The following LAMC2 variants were observed in gnomAD, a reference collection of about 807,000 sequenced individuals.
LAMC2 encodes laminin subunit gamma 2, also known as laminin subunit gamma-2.
A neutral mutation model predicts 140.2 loss-of-function variants in LAMC2; 97 were observed. The ratio of observed to expected loss-of-function variants is 0.69; its 90% CI spans 0.59 to 0.82. The LOEUF is 0.82. Ranked by LOEUF, LAMC2 falls within the 40% of genes least tolerant of loss-of-function variation. The probability of loss-of-function intolerance (pLI) is 0.00; values close to 1 mark genes in which losing one functional copy is unlikely to be tolerated. For synonymous variants in LAMC2, 513 were observed against 540.2 expected, an observed-to-expected ratio of 0.95 and a Z score of 0.70; for missense variants, 1,402 against 1,476.1, an observed-to-expected ratio of 0.95 and a Z score of 0.82.
intron 7 of LAMC2, 47 bp downstream of exon 7, chr1:183,223,371 G>C (rs1399273741): frequency 6.4e-7 from 1 of 1,550,946 alleles, no homozygotes; most frequent in Non-Finnish European, 8.9e-7. Flanking sequence ...AACTATGATT[G>C]AAGTTCAAGT....
intron 8 of LAMC2, 37 bp from the exon 9 acceptor site, chr1:183,226,661 A>G (rs1415038343): frequency 6.5e-7 from 1 of 1,543,096 alleles, no homozygotes. Context: ...TTTAGACTGT[A>G]CCACTTGCAA....
At chr1:183,226,626 C>T in intron 8 of LAMC2, 72 bp from the exon 9 acceptor site, 1 of 1,321,134 alleles carries the variant, frequency 7.6e-7, no homozygotes, top group Non-Finnish European at 1.1e-6. Context: ...AAAATAAAAT[C>T]CCAAGAGAGA....
chr1:183,245,499 G>A (rs1251736539), downstream of LAMC2, among the ~76,000 whole-genome samples: 1 of 152,206 alleles, frequency 6.6e-6, no homozygotes. Flanking sequence ...GACTTCTAAG[G>A]TTGCCTGGGG....
At position 183,232,693 on chromosome 1, in the gene LAMC2, A is replaced by C; in HGVS notation, c.2056A>C (p.Ser686Arg). The change falls in exon 14 of 23, where the codon AGC (serine) becomes CGC (arginine). Residue 686 changes from serine (S) to arginine (R), a missense_variant. Ser to Arg is a moderately radical substitution (Grantham distance 110). Transcript: ENST00000264144. ...TGGTCTCCAGTTGGCCAAGGTGAGGAGCCAAGAGAACAGCTACCAGAGCCG... is the reference window on the plus strand; with the variant it reads ...TGGTCTCCAGTTGGCCAAGGTGAGGCGCCAAGAGAACAGCTACCAGAGCCG... ...SLGLQLAKVR[S>R]QENSYQSRLD... 1 of 1,613,500 alleles carries C rather than the reference A, an allele frequency of 6.2e-7. No individual in the cohort carries two copies. Among genetic ancestry groups the C allele is most frequent in the Non-Finnish European group, 8.5e-7 (1 of 1,179,914 alleles).
chr1:183,208,169 G>T, intron 2 of LAMC2, 100 bp downstream of exon 2: 1 of 1,173,398 alleles, frequency 8.5e-7, no homozygotes. Flanking sequence ...GAACAACGGA[G>T]GAAAAAGAAA....
intron 11 of LAMC2, among the ~76,000 whole-genome samples, chr1:183,229,007 T>G (rs1659720269): frequency 6.6e-6 from 1 of 152,000 alleles, no homozygotes; most frequent in African/African-American, 2.4e-5. Context: ...CAAACTCAAG[T>G]GGGAAGGGGA....
chr1:183,199,481 CTTCCCTCCCTCA>C lies in LAMC2; in HGVS notation c.80-8387_80-8376del, dbSNP rs1366207764. Among the ~76,000 whole-genome samples, 7 of 151,738 alleles carry C rather than the reference CTTCCCTCCCTCA, an allele frequency of 4.6e-5. No individual in the cohort carries two copies. In the South Asian group the frequency reaches 6.2e-4, roughly 14 times the overall value. On this transcript the variant is annotated intron_variant, in intron 1 of 22. Transcript: ENST00000264144. ...CCTCCCTCCCTCTCTTTCTTCCTTC[CTTCCCTCCCTCA>C]TTCCCTCCCTCAATTCCTTTCTCTC...
chr1:183,225,815 T>C (rs1450736568), intron 8 of LAMC2, 95 bp downstream of exon 8: 1 of 796,642 alleles, frequency 1.3e-6, no homozygotes, highest in Non-Finnish European at 2.2e-6. Flanking sequence ...AACAAGTAGA[T>C]AAGTTACTTG....
At position 183,240,318 on chromosome 1, in the gene LAMC2, T is replaced by C. The variant is rs1183337787; in HGVS notation, c.3255T>C (p.Asp1085=). The change falls in exon 22 of 23, where the codon GAT becomes GAC. Residue 1085 remains aspartate, a synonymous_variant. Coordinates refer to ENST00000264144, the MANE Select transcript of LAMC2 (RefSeq NM_005562.3). ...QMVITEAQKV[D]TRAKNAGVTI... is the part of the protein sequence containing the mutation. Reference sequence around the variant, plus strand: ...TGATTACAGAAGCCCAGAAGGTTGATACCAGAGCCAAGAACGCTGGGGTTA... The same window carrying C: ...TGATTACAGAAGCCCAGAAGGTTGACACCAGAGCCAAGAACGCTGGGGTTA... 3 of 1,614,094 alleles carry C rather than the reference T, an allele frequency of 1.9e-6. No individual in the cohort carries two copies. The highest frequency in any genetic ancestry group is 1.3e-5 in the African/African-American group (1 of 74,934).
downstream of LAMC2, chr1:183,249,319 G>A (rs1660311686): frequency 1.3e-5 from 2 of 152,178 alleles, no homozygotes; most frequent in African/African-American, 4.8e-5. Context: ...CTTAAGGACA[G>A]AGTTATTGAC....
At position 183,240,345 on chromosome 1, in the gene LAMC2, A is replaced by C; in HGVS notation, c.3282A>C (p.Thr1094=). The part of the protein sequence containing the change: ...VDTRAKNAGV[T]IQDTLNTLDG... The stretch of plus-strand genomic sequence containing the variant: ...CCAGAGCCAAGAACGCTGGGGTTAC[A>C]ATCCAAGACACACTCAACACATTAG... The change falls in exon 22 of 23, where the codon ACA becomes ACC. Residue 1094 remains threonine (T), a synonymous_variant. Transcript: ENST00000264144. The C allele has an allele frequency of 6.2e-7, 1 of 1,614,242 alleles. No homozygotes were observed. The highest frequency in any genetic ancestry group is 8.5e-7 in the Non-Finnish European group (1 of 1,180,042).
intron 20 of LAMC2, chr1:183,239,800 T>A (rs952974034): frequency 3.0e-5 from 19 of 641,062 alleles, no homozygotes; most frequent in Non-Finnish European, 5.2e-5. Flanking sequence ...TTGGTGAGCA[T>A]TGAACTGAGA....
rs747777390 is a variant in LAMC2 at position 183,235,710 on chromosome 1, G to A, written c.2436G>A (p.Val812=). ...GSGSGSPDGA[V]VQGLVEKLEK... ...GAAGCGGTAGCCCGGACGGTGCTGTGGTGCAAGGGCTTGTGGAAAAGTACG... is the reference window on the plus strand; with the variant it reads ...GAAGCGGTAGCCCGGACGGTGCTGTAGTGCAAGGGCTTGTGGAAAAGTACG... Residue 812 remains valine (V), a synonymous_variant, in exon 16 of 23, where the codon GTG becomes GTA. Coordinates refer to ENST00000264144, the MANE Select transcript of LAMC2 (RefSeq NM_005562.3). 3.7e-6 allele frequency: 6 copies of A among 1,614,058 alleles called. No homozygotes were observed. The African/African-American group carries it at 6.7e-5, about 18-fold the overall frequency.
Position 183,237,348 on chromosome 1 carries a change from A to G in LAMC2, c.2602-4A>G, listed in dbSNP as rs1448594197. 6.2e-7 allele frequency: 1 copy of G among 1,613,966 alleles called. No homozygotes were observed. Among genetic ancestry groups the G allele is most frequent in the Non-Finnish European group, 8.5e-7 (1 of 1,179,956 alleles). ...CAGACTCCCTGGTTTCTTTGGGCTC[A>G]TAGGTGGAAGAAGCAAAGAGGATCA... is the stretch of plus-strand genomic sequence containing the variant. On this transcript the variant is annotated splice_polypyrimidine_tract_variant and splice_region_variant and intron_variant, in intron 17 of 22. Coordinates refer to ENST00000264144, the MANE Select transcript of LAMC2 (RefSeq NM_005562.3).
chr1:183,253,308 A>G, the LAMC2 span, among the ~76,000 whole-genome samples: 2 of 147,976 alleles, frequency 1.4e-5, no homozygotes, highest in East Asian at 3.9e-4. Flanking sequence ...ATTATATTAT[A>G]TTATATTATT....
chr1:183,234,902 C>T (rs538605074), intron 15 of LAMC2, among the ~76,000 whole-genome samples: 2 of 152,150 alleles, frequency 1.3e-5, no homozygotes, highest in African/African-American at 2.4e-5. Context: ...AATGATAACA[C>T]GCAGCTCCCT....
At chr1:183,235,094 T>A (rs1171681808) in intron 15 of LAMC2, among the ~76,000 whole-genome samples, 1 of 140,240 alleles carries the variant, frequency 7.1e-6, no homozygotes, top group East Asian at 2.3e-4. Context: ...TTTCTTTGGG[T>A]TTTTTTTAAA....
intron 1 of LAMC2, among the ~76,000 whole-genome samples, chr1:183,192,426 G>A (rs1658367385): frequency 6.6e-6 from 1 of 152,172 alleles, no homozygotes; most frequent in Non-Finnish European, 1.5e-5. Flanking sequence ...GTTTCACCAT[G>A]TTTTTCTCTT....
chr1:183,238,342 T>C lies in LAMC2; in HGVS notation c.2790T>C (p.Ala930=). The C allele has an allele frequency of 1.9e-6, 3 of 1,614,096 alleles. No individual in the cohort carries two copies. The highest frequency in any genetic ancestry group is 2.5e-6 in the Non-Finnish European group (3 of 1,179,948). ...SDQLLSRANL[A]KSRAQEALSM... The stretch of plus-strand genomic sequence containing the variant: ...AGCTGCTTTCCCGTGCCAATCTTGC[T>C]AAAAGCAGAGCACAAGAAGCACTGA... Residue 930 remains alanine (A), a synonymous_variant, in exon 19 of 23, where the codon GCT becomes GCC. Coordinates refer to ENST00000264144, the MANE Select transcript of LAMC2 (RefSeq NM_005562.3).
Sources: gnomAD v4.1 joint callset for allele counts (sites outside exome capture counted in the v4.1 genomes callset) on GRCh38, gnomAD v4.1.1 for gene constraint, MANE v1.5 for transcripts, NCBI Gene and HGNC (gene_info 2026-07-23, HGNC 2026-07-21) for gene names.